Variants in DYM observed in about 807,000 individuals in gnomAD.
DYM encodes dymeclin.
A neutral mutation model predicts 93.1 loss-of-function variants in DYM; 78 were observed. The ratio of observed to expected loss-of-function variants is 0.84; its 90% CI spans 0.70 to 1.01. DYM has a LOEUF of 1.01. Among genes scored for constraint, DYM ranks in the 50% least tolerant of loss-of-function variants. The pLI, the probability that DYM is intolerant of heterozygous loss-of-function variation, is 0.00. For missense variants in DYM, 789 were observed against 845.0 expected, an observed-to-expected ratio of 0.93 and a Z score of 0.82; for synonymous variants, 321 against 319.7, an observed-to-expected ratio of 1.00 and a Z score of -0.04.
intron 8 of DYM, among the ~76,000 whole-genome samples, chr18:49,331,174 G>A (rs1376929192): frequency 6.6e-6 from 1 of 152,158 alleles, no homozygotes; most frequent in Non-Finnish European, 1.5e-5. Context: ...GGAACTCCCA[G>A]GCCGACCTCA....
intron 5 of DYM, among the ~76,000 whole-genome samples, chr18:49,375,483 A>C (rs1472346656): frequency 1.3e-5 from 2 of 152,072 alleles, no homozygotes; most frequent in East Asian, 3.9e-4. Context: ...ATTCATACTA[A>C]CTCAAAACTG....
At chr18:49,442,648 A>C (rs372578546) in intron 1 of DYM, among the ~76,000 whole-genome samples, 1 of 150,898 alleles carries the variant, frequency 6.6e-6, no homozygotes, top group South Asian at 2.1e-4. Flanking sequence ...CTTTAGATAG[A>C]TAATAATGAA....
At chr18:49,080,568 G>C (rs1229934519) in intron 17 of DYM, among the ~76,000 whole-genome samples, 1 of 141,104 alleles carries the variant, frequency 7.1e-6, no homozygotes, top group African/African-American at 2.7e-5. Flanking sequence ...CCTCCCGGAC[G>C]GGGCGGCTGG....
intron 16 of DYM, among the ~76,000 whole-genome samples, chr18:49,114,118 A>T (rs2081695695): frequency 6.6e-6 from 1 of 152,348 alleles, no homozygotes; most frequent in African/African-American, 2.4e-5. Context: ...TAACTATCCA[A>T]GACAATGATC....
At chr18:49,307,964 C>T (rs1251075346) in intron 8 of DYM, among the ~76,000 whole-genome samples, 1 of 152,210 alleles carries the variant, frequency 6.6e-6, no homozygotes, top group African/African-American at 2.4e-5. Context: ...CTGCACCTTT[C>T]TCTAGTAGAC....
At chr18:49,239,724 G>A (rs1380318441) in intron 13 of DYM, among the ~76,000 whole-genome samples, 3 of 152,230 alleles carry the variant, frequency 2.0e-5, no homozygotes, top group African/African-American at 7.2e-5. Flanking sequence ...TGAGATGGGA[G>A]CACACTGGAC....
intron 15 of DYM, among the ~76,000 whole-genome samples, chr18:49,132,819 GAA>G (rs2083486272): frequency 6.6e-6 from 1 of 152,014 alleles, no homozygotes; most frequent in African/African-American, 2.4e-5. Flanking sequence ...ATTCAAAGGA[GAA>G]AAAAGTCATG....
At chr18:49,416,944 C>G (rs1349529816) in intron 2 of DYM, among the ~76,000 whole-genome samples, 1 of 152,130 alleles carries the variant, frequency 6.6e-6, no homozygotes, top group African/African-American at 2.4e-5. Flanking sequence ...CCCCAGACCA[C>G]TCTAGACCCA....
At chr18:49,331,840 T>C (rs1422564107) in intron 8 of DYM, 24 bp downstream of exon 8, 5 of 1,613,616 alleles carry the variant, frequency 3.1e-6, no homozygotes, top group East Asian at 4.5e-5. Context: ...CACCAAAGAA[T>C]TGAAAAAATC....
chr18:49,128,473 T>TA (rs913062978), intron 15 of DYM, among the ~76,000 whole-genome samples: 12 of 152,176 alleles, frequency 7.9e-5, no homozygotes, highest in Non-Finnish European at 1.3e-4. Context: ...GTGTCTTTTT[T>TA]AAAAAAAGTC....
chr18:49,291,911 T>C (rs2060135688), intron 8 of DYM, among the ~76,000 whole-genome samples: 1 of 152,184 alleles, frequency 6.6e-6, no homozygotes, highest in Non-Finnish European at 1.5e-5. Context: ...TGTATCATTT[T>C]AAAACATTTA....
intron 14 of DYM, 148 bp downstream of exon 14, chr18:49,209,403 G>T: frequency 2.2e-6 from 1 of 463,012 alleles, no homozygotes; most frequent in Non-Finnish European, 3.2e-6. Context: ...ACAAAATCCA[G>T]CTATTATTTT....
At chr18:49,282,252 T>A in intron 9 of DYM, 77 bp from the exon 10 acceptor site, 2 of 1,256,180 alleles carry the variant, frequency 1.6e-6, no homozygotes, top group Non-Finnish European at 2.3e-6. Flanking sequence ...AAGTAATGTG[T>A]ACAACTCAAT....
At chr18:49,095,942 C>T (rs1000758238) in intron 17 of DYM, among the ~76,000 whole-genome samples, 5 of 152,062 alleles carry the variant, frequency 3.3e-5, no homozygotes, top group African/African-American at 4.8e-5. Flanking sequence ...AGCTTACACA[C>T]CAAGATCCAT....
chr18:49,241,655 C>A (rs1180920678), intron 13 of DYM, among the ~76,000 whole-genome samples: 2 of 152,140 alleles, frequency 1.3e-5, no homozygotes, highest in African/African-American at 4.8e-5. Flanking sequence ...AAATGTACCT[C>A]TTTACATAAT....
In DYM at chr18:49,315,046, C is replaced by A. The variant is rs2061837454; in HGVS notation, c.763+16818G>T. On this transcript the variant is annotated intron_variant, in intron 8 of 17. Coordinates refer to ENST00000675505, the MANE Select transcript of DYM (RefSeq NM_001353214.3). The stretch of plus-strand genomic sequence containing the variant: ...CCTGGGCAACATGGCAAAACCCAGT[C>A]TCTACAACAGATACAAAAATTAGCT... Among the ~76,000 whole-genome samples the A allele has an allele frequency of 5.3e-5, 8 of 152,080 alleles. No individual in the cohort carries two copies. In the South Asian group the frequency reaches 1.5e-3, roughly 28 times the overall value.
chr18:49,139,835 C>T (rs2084260755), intron 15 of DYM, among the ~76,000 whole-genome samples: 1 of 152,138 alleles, frequency 6.6e-6, no homozygotes, highest in Non-Finnish European at 1.5e-5. Flanking sequence ...TGTTTTTTAA[C>T]TCTCAGAACA....
chr18:49,199,337 C>A (rs559738322), intron 14 of DYM, among the ~76,000 whole-genome samples: 3 of 152,196 alleles, frequency 2.0e-5, no homozygotes. Context: ...TGTAACAAAC[C>A]TGCACGTTGT....
At chr18:49,361,704 A>G (rs190317434) in intron 6 of DYM, among the ~76,000 whole-genome samples, 1 of 152,084 alleles carries the variant, frequency 6.6e-6, no homozygotes, top group Admixed American at 6.5e-5. Context: ...GGGGGACAAT[A>G]TATTTTTTTA....
Sources: gnomAD v4.1 joint callset for allele counts (sites outside exome capture counted in the v4.1 genomes callset) on GRCh38, gnomAD v4.1.1 for gene constraint, MANE v1.5 for transcripts, NCBI Gene and HGNC (gene_info 2026-07-23, HGNC 2026-07-21) for gene names.